Variants in PLD5 observed in about 807,000 individuals in gnomAD.
PLD5 encodes phospholipase D family member 5, also known as inactive phospholipase D5.
PLD5 carries 36 observed loss-of-function variants against 61.1 expected under a neutral mutation model. That is an observed-to-expected ratio of 0.59 (90% CI 0.45 to 0.78). PLD5 has a LOEUF of 0.78. Ranked by LOEUF, PLD5 falls within the 30% of genes least tolerant of loss-of-function variation. The pLI is 0.00. For synonymous variants in PLD5, 243 were observed against 242.8 expected, an observed-to-expected ratio of 1.00 and a Z score of -0.01; for missense variants, 515 against 644.4, an observed-to-expected ratio of 0.80 and a Z score of 2.17.
At chr1:242,493,509 G>A (rs1404608858) in intron 1 of PLD5, among the ~76,000 whole-genome samples, 2 of 152,188 alleles carry the variant, frequency 1.3e-5, no homozygotes, top group Admixed American at 6.5e-5. Flanking sequence ...GACACCTTTG[G>A]CAGGGAGGAC....
chr1:242,241,902 T>C (rs1381154024), intron 4 of PLD5, among the ~76,000 whole-genome samples: 1 of 39,622 alleles, frequency 2.5e-5, no homozygotes, highest in African/African-American at 9.7e-5. Flanking sequence ...TATATATATA[T>C]ATATATATAC....
chr1:242,307,905 A>G (rs1341763735), intron 2 of PLD5, among the ~76,000 whole-genome samples: 1 of 152,134 alleles, frequency 6.6e-6, no homozygotes, highest in Non-Finnish European at 1.5e-5. Flanking sequence ...TCAATCCTTC[A>G]AAAGTGTTCA....
chr1:242,432,383 G>A (rs369335449), intron 1 of PLD5, among the ~76,000 whole-genome samples: 55 of 152,164 alleles, frequency 3.6e-4, no homozygotes, highest in African/African-American at 5.1e-4. Context: ...GGCTACAGGC[G>A]AGGCTGCCAA....
chr1:242,385,100 A>C (rs1010258631), intron 1 of PLD5, among the ~76,000 whole-genome samples: 1 of 152,240 alleles, frequency 6.6e-6, no homozygotes, highest in African/African-American at 2.4e-5. Context: ...GGACACTTTG[A>C]GTAGCAAAAG....
rs1340836780 is a variant in PLD5, at chr1:242,085,652, C to T, written c.*4202G>A. ...TTAAAAGGTGTATAATAAAGCACAC[C>T]AGTTCATTGGGAACAAGTACAGAAA... On this transcript the variant is annotated 3_prime_UTR_variant, in exon 10 of 10. Coordinates refer to ENST00000536534, the MANE Select transcript of PLD5 (RefSeq NM_001372062.1). 1 of 152,080 alleles carries T rather than the reference C, an allele frequency of 6.6e-6. No homozygotes were observed. The highest frequency in any genetic ancestry group is 2.4e-5 in the African/African-American group (1 of 41,386). 9.4% of individuals were successfully genotyped at this position (152,080 alleles called of 1,614,324 possible).
intron 1 of PLD5, among the ~76,000 whole-genome samples, chr1:242,412,922 G>A (rs1231090660): frequency 6.6e-6 from 1 of 152,184 alleles, no homozygotes; most frequent in African/African-American, 2.4e-5. Context: ...ACTGTCTTAC[G>A]TTCCCTCCAC....
At chr1:242,411,345 C>T (rs1246905783) in intron 1 of PLD5, among the ~76,000 whole-genome samples, 1 of 152,200 alleles carries the variant, frequency 6.6e-6, no homozygotes, top group East Asian at 1.9e-4. Context: ...ACGCCATTCT[C>T]CTGCCTCAGC....
intron 5 of PLD5, among the ~76,000 whole-genome samples, chr1:242,164,403 T>TAA (rs34240432): frequency 0.078 from 11,716 of 149,720 alleles, 1,168 homozygotes; most frequent in African/African-American, 0.22. Context: ...TGACAAATAT[T>TAA]AAAAAAAAAA....
intron 1 of PLD5, among the ~76,000 whole-genome samples, chr1:242,419,703 A>G (rs1250324452): frequency 6.7e-6 from 1 of 150,108 alleles, no homozygotes; most frequent in Non-Finnish European, 1.5e-5. Flanking sequence ...GTGAGCCACC[A>G]TGCCCGGCCA....
upstream of PLD5, among the ~76,000 whole-genome samples, chr1:242,527,086 T>C (rs543077748): frequency 4.7e-4 from 70 of 149,350 alleles, no homozygotes; most frequent in Middle Eastern, 0.014. Context: ...CTATACATAG[T>C]GACTGCAGTA....
At chr1:242,175,738 A>G (rs1574455564) in intron 5 of PLD5, among the ~76,000 whole-genome samples, 1 of 152,246 alleles carries the variant, frequency 6.6e-6, no homozygotes, top group South Asian at 2.1e-4. Flanking sequence ...GCTGATAAGC[A>G]ACTTCAGCAA....
At chr1:242,523,046 G>C (rs1473121806) in intron 1 of PLD5, among the ~76,000 whole-genome samples, 1 of 152,142 alleles carries the variant, frequency 6.6e-6, no homozygotes, top group Non-Finnish European at 1.5e-5. Context: ...AGTGCTTTGG[G>C]GGGCAGATGG....
intron 8 of PLD5, among the ~76,000 whole-genome samples, chr1:242,103,998 A>G (rs1660865293): frequency 6.6e-6 from 1 of 152,268 alleles, no homozygotes; most frequent in African/African-American, 2.4e-5. Flanking sequence ...CATGAAAAAT[A>G]AAATTTAAAA....
intron 2 of PLD5, among the ~76,000 whole-genome samples, chr1:242,335,735 C>T (rs1158715192): frequency 2.0e-5 from 3 of 152,164 alleles, no homozygotes; most frequent in Non-Finnish European, 2.9e-5. Context: ...GCAAAGAGCT[C>T]ACAGTGAAAG....
intron 1 of PLD5, among the ~76,000 whole-genome samples, chr1:242,513,117 C>T (rs1425337289): frequency 6.6e-6 from 1 of 152,078 alleles, no homozygotes; most frequent in Non-Finnish European, 1.5e-5. Context: ...TAATCTCAAG[C>T]GATCCTCCCA....
chr1:242,284,119 C>CTTTTT (rs565165218), intron 3 of PLD5, among the ~76,000 whole-genome samples: 11 of 75,954 alleles, frequency 1.4e-4, no homozygotes, highest in Non-Finnish European at 1.8e-4. Context: ...TTTCTTTTTC[C>CTTTTT]TTTTTTTTTT....
chr1:242,303,390 T>C (rs184206100), intron 2 of PLD5, among the ~76,000 whole-genome samples: 1 of 152,248 alleles, frequency 6.6e-6, no homozygotes, highest in Non-Finnish European at 1.5e-5. Flanking sequence ...GAAATGGAGC[T>C]CATTACATTT....
chr1:242,512,246 C>T (rs1383281646), intron 1 of PLD5, among the ~76,000 whole-genome samples: 3 of 140,928 alleles, frequency 2.1e-5, no homozygotes, highest in Admixed American at 7.3e-5. Flanking sequence ...CTCGTCTCTA[C>T]TAAAAATACA....
chr1:242,141,477 C>T (rs528941732), intron 5 of PLD5, among the ~76,000 whole-genome samples: 8 of 152,200 alleles, frequency 5.3e-5, no homozygotes, highest in East Asian at 3.9e-4. Context: ...TTGAAAAGTC[C>T]GCGTCTTGTC....
Sources: allele counts gnomAD v4.1 joint callset (sites outside exome capture counted in the v4.1 genomes callset), GRCh38; gene constraint gnomAD v4.1.1; transcripts MANE v1.5; gene names NCBI Gene and HGNC (gene_info 2026-07-23, HGNC 2026-07-21).